Variants in SPTBN1 observed in about 807,000 individuals in gnomAD.
SPTBN1 encodes the protein spectrin beta chain, non-erythrocytic 1.
A neutral mutation model predicts 266.4 loss-of-function variants in SPTBN1; 32 were observed. The ratio of observed to expected loss-of-function variants is 0.12; its 90% CI spans 0.09 to 0.16. The LOEUF (loss-of-function observed/expected upper bound fraction) is 0.16, where lower values mean the gene tolerates loss of function less well. Among genes scored for constraint, SPTBN1 ranks in the 10% least tolerant of loss-of-function variants. SPTBN1 has a pLI of 1.00. For synonymous variants in SPTBN1, 1,336 were observed against 1,162.2 expected (o/e 1.15, Z -3.04); for missense variants, 2,296 against 3,067.1 (o/e 0.75, Z 5.94).
chr2:54,655,248 A>C, intron 28 of SPTBN1, 40 bp downstream of exon 28: 2 of 1,604,934 alleles, frequency 1.2e-6, no homozygotes, highest in South Asian at 2.2e-5. Context: ...GCTGGCGTCA[A>C]GATGTAAAAT....
Position 54,649,318 on chromosome 2 carries a change from T to A in SPTBN1, c.5202+128T>A. On this transcript the variant is annotated intron_variant, in intron 25 of 35. Transcript: ENST00000356805. The surrounding 1 kb of genome is among the most constrained non-coding windows in gnomAD (Gnocchi z 6.7). The stretch of plus-strand genomic sequence containing the variant: ...AATCAGAGGTCTTGGGGTTTAGTTT[T>A]AAGGTGGTGTTTCTTTTATAAGCTG... 1 of 1,123,212 alleles carries A rather than the reference T, an allele frequency of 8.9e-7. No homozygotes were observed. The highest frequency in any genetic ancestry group is 1.2e-6 in the Non-Finnish European group (1 of 807,802). The allele number at this position is 1,123,212 out of a possible 1,614,324, so 69.6% of individuals were successfully genotyped here.
intron 1 of SPTBN1, among the ~76,000 whole-genome samples, chr2:54,467,921 A>G (rs531925676): frequency 6.0e-4 from 92 of 152,276 alleles, no homozygotes; most frequent in African/African-American, 1.8e-3. Context: ...GAAATAATAG[A>G]TGTTTTAGAT....
chr2:54,631,119 C>G lies in SPTBN1; in HGVS notation c.3072C>G (p.Ser1024=). 6 of 1,614,144 alleles carry G rather than the reference C, an allele frequency of 3.7e-6. No homozygotes were observed. The highest frequency in any genetic ancestry group is 5.1e-6 in the Non-Finnish European group (6 of 1,180,026). ...AGAAGGAGGCGGAGAAGCTGGAGTC[C>G]GAGCACCCCGACCAGGCCCAGGCCA... The part of the protein sequence containing the change: ...DLQKEAEKLE[S]EHPDQAQAIL... The change falls in exon 16 of 36, where the codon TCC becomes TCG. Residue 1024 remains serine, a synonymous_variant. Transcript: ENST00000356805.
chr2:54,473,949 A>C (rs1466463112), intron 1 of SPTBN1, among the ~76,000 whole-genome samples: 2 of 152,214 alleles, frequency 1.3e-5, no homozygotes, highest in Admixed American at 1.3e-4. Flanking sequence ...GAATTTGCTT[A>C]TATCTACTGG....
intron 1 of SPTBN1, among the ~76,000 whole-genome samples, chr2:54,481,576 A>G (rs937601863): frequency 7.9e-5 from 12 of 152,296 alleles, no homozygotes; most frequent in Admixed American, 5.9e-4. Flanking sequence ...AAAGGTTGAG[A>G]TTTGTGCCTG....
At chr2:54,622,266 T>C (rs766460215) in intron 8 of SPTBN1, 34 bp from the exon 9 acceptor site, 13 of 1,565,090 alleles carry the variant, frequency 8.3e-6, no homozygotes, top group Non-Finnish European at 8.7e-6. Context: ...TGGAGTGACA[T>C]GATCTTTTCA....
At chr2:54,661,476 C>A (rs913611712) in intron 32 of SPTBN1, 2 of 985,672 alleles carry the variant, frequency 2.0e-6, no homozygotes, top group African/African-American at 1.7e-5. Context: ...CATATAGCAT[C>A]TTGTTTGTTT....
At chr2:54,618,607 G>C (rs763718750) in intron 7 of SPTBN1, among the ~76,000 whole-genome samples, 3 of 152,216 alleles carry the variant, frequency 2.0e-5, no homozygotes, top group African/African-American at 7.2e-5. Context: ...AGCTGTGCTC[G>C]AAGTAGAAAA....
chr2:54,534,181 T>C (rs1046735339), intron 2 of SPTBN1, among the ~76,000 whole-genome samples: 1 of 152,216 alleles, frequency 6.6e-6, no homozygotes. Flanking sequence ...GTCTAAATCA[T>C]GTTAGGGCTC....
intron 1 of SPTBN1, among the ~76,000 whole-genome samples, chr2:54,517,160 CT>C (rs1670155972): frequency 6.6e-6 from 1 of 151,004 alleles, no homozygotes; most frequent in Non-Finnish European, 1.5e-5. Context: ...CCATCCTCCC[CT>C]TTTCCATCAT....
At chr2:54,524,263 T>C (rs1423398033) in intron 1 of SPTBN1, among the ~76,000 whole-genome samples, 1 of 151,972 alleles carries the variant, frequency 6.6e-6, no homozygotes, top group Non-Finnish European at 1.5e-5. Flanking sequence ...TTAAAAGGGG[T>C]GTTGTCTTTT....
At position 54,649,873 on chromosome 2, in the gene SPTBN1, A is replaced by G. The variant is rs748082381; in HGVS notation, c.5461A>G (p.Ile1821Val). ...CGATGCCAAGGAGATCTTTGGGCGT[A>G]TACAGGACAAACACAAGAAACTCCC... ...YHDAKEIFGRIQDKHKKLPEE... is the reference protein window; with the variant it reads ...YHDAKEIFGRVQDKHKKLPEE... Residue 1821 changes from isoleucine to valine, a missense_variant, in exon 26 of 36, where the codon ATA becomes GTA. Ile to Val is a conservative substitution (Grantham distance 29). Transcript: ENST00000356805. The surrounding 1 kb of genome is among the most constrained non-coding windows in gnomAD (Gnocchi z 6.7). 10 of 1,614,248 alleles carry G rather than the reference A, an allele frequency of 6.2e-6. No homozygotes were observed. In the South Asian group the frequency reaches 8.8e-5, roughly 14 times the overall value.
In SPTBN1 at chr2:54,669,358, G is replaced by A. The variant is rs1333135611; in HGVS notation, c.*789G>A. The stretch of plus-strand genomic sequence containing the variant: ...ATCATTGGTAAGTGTACAAGTGGTG[G>A]AACTGAAGCATTTACTGGACAAAGT... On this transcript the variant is annotated 3_prime_UTR_variant, in exon 36 of 36. Transcript: ENST00000356805. 2 of 152,560 alleles carry A rather than the reference G, an allele frequency of 1.3e-5. No individual in the cohort carries two copies. The highest frequency in any genetic ancestry group is 4.8e-5 in the African/African-American group (2 of 41,426). 9.5% of individuals were successfully genotyped at this position (152,560 alleles called of 1,614,324 possible).
intron 1 of SPTBN1, among the ~76,000 whole-genome samples, chr2:54,522,678 G>GAGAGAA: frequency 1.3e-5 from 1 of 78,636 alleles, no homozygotes; most frequent in South Asian, 4.0e-4. Context: ...GAGAGAGAGA[G>GAGAGAA]GAGAGAGAGA....
chr2:54,466,130 A>G (rs1253707314), intron 1 of SPTBN1, among the ~76,000 whole-genome samples: 1 of 152,184 alleles, frequency 6.6e-6, no homozygotes, highest in African/African-American at 2.4e-5. Flanking sequence ...GAACCATTTT[A>G]ATATCTCTGC....
intron 1 of SPTBN1, chr2:54,516,066 A>G (rs1415946485): frequency 6.6e-6 from 1 of 152,086 alleles, no homozygotes; most frequent in African/African-American, 2.4e-5. Flanking sequence ...TATTTATTTA[A>G]GAGCCTTGAG....
intron 30 of SPTBN1, 43 bp from the exon 31 acceptor site, chr2:54,659,111 C>T: frequency 6.3e-7 from 1 of 1,598,588 alleles, no homozygotes; most frequent in Non-Finnish European, 8.6e-7. Context: ...TGAAAAGAGG[C>T]AGAGTTTGGG....
chr2:54,476,552 C>T (rs2103901297), intron 1 of SPTBN1, among the ~76,000 whole-genome samples: 2 of 152,348 alleles, frequency 1.3e-5, no homozygotes, highest in East Asian at 3.9e-4. Context: ...TGTATCCTAA[C>T]AGGCATTCTG....
At chr2:54,661,812 A>G (rs1276028827) in intron 32 of SPTBN1, 10 of 985,184 alleles carry the variant, frequency 1.0e-5, no homozygotes, top group African/African-American at 1.7e-5. Context: ...TATCTAGAAG[A>G]CCCTCCAAAA....
Sources: gnomAD v4.1 joint callset for allele counts (sites outside exome capture counted in the v4.1 genomes callset) on GRCh38, gnomAD v4.1.1 for gene constraint, Gnocchi (gnomAD v3.1) non-coding constraint, MANE v1.5 for transcripts, NCBI Gene and HGNC (gene_info 2026-07-23, HGNC 2026-07-21) for gene names.